PPP1R9A: variants seen among roughly 807,000 people sequenced by gnomAD.
PPP1R9A encodes protein phosphatase 1 regulatory subunit 9A.
In PPP1R9A, 59 loss-of-function variants were observed where a neutral mutation model predicts 141.9. The ratio of observed to expected loss-of-function variants is 0.42; its 90% confidence interval spans 0.34 to 0.52. PPP1R9A has a LOEUF of 0.52. Ranked by LOEUF, PPP1R9A falls within the 20% of genes least tolerant of loss-of-function variation. The pLI is 0.10. For synonymous variants in PPP1R9A, 500 were observed against 569.7 expected (o/e 0.88, Z 1.74); for missense variants, 1,444 against 1,611.9 (o/e 0.90, Z 1.78).
chr7:95,132,229 G>A (rs1001612221), intron 4 of PPP1R9A, among the ~76,000 whole-genome samples: 6 of 152,110 alleles, frequency 3.9e-5, no homozygotes, highest in Non-Finnish European at 7.4e-5. Context: ...ATGTTGAATA[G>A]GAGTAATGAG....
chr7:95,284,146 A>G lies in PPP1R9A; in HGVS notation c.3425A>G (p.Asn1142Ser), dbSNP rs960620829. 6.3e-7 allele frequency: 1 copy of G among 1,590,144 alleles called. No homozygotes were observed. The highest frequency in any genetic ancestry group is 1.3e-5 in the African/African-American group (1 of 74,802). The change falls in exon 17 of 20, where the codon AAC (asparagine) becomes AGC (serine). Residue 1142 changes from asparagine to serine, a missense_variant. Physicochemically the swap from Asn to Ser is conservative, Grantham distance 46. Coordinates refer to ENST00000433360, the MANE Select transcript of PPP1R9A (RefSeq NM_001166160.2). ...DSRKGSYSFR[N>S]LPAPTSSLQP... ...CGGAAAGGATCCTATTCCTTCAGGA[A>G]CCTGCCTGCGCCTACAAGTTCCCTT...
chr7:95,101,695 A>G (rs1196970298), intron 2 of PPP1R9A, among the ~76,000 whole-genome samples: 1 of 152,206 alleles, frequency 6.6e-6, no homozygotes, highest in Non-Finnish European at 1.5e-5. Context: ...CGGCACTAAC[A>G]TCTTCATAAA....
At chr7:94,938,299 G>A (rs1794980738) in intron 2 of PPP1R9A, among the ~76,000 whole-genome samples, 1 of 152,116 alleles carries the variant, frequency 6.6e-6, no homozygotes, top group Non-Finnish European at 1.5e-5. Flanking sequence ...TGAATTTTTT[G>A]TGGAAAAATT....
At chr7:95,186,231 G>A (rs1834628115) in intron 5 of PPP1R9A, among the ~76,000 whole-genome samples, 1 of 151,332 alleles carries the variant, frequency 6.6e-6, no homozygotes, top group Non-Finnish European at 1.5e-5. Context: ...TCCTTGTAGA[G>A]ATCTTTCGAA....
intron 4 of PPP1R9A, among the ~76,000 whole-genome samples, chr7:95,142,384 G>A (rs922302509): frequency 1.3e-5 from 2 of 151,312 alleles, no homozygotes; most frequent in African/African-American, 4.9e-5. Context: ...AGTTTTTTTT[G>A]TCACTTATAC....
intron 2 of PPP1R9A, among the ~76,000 whole-genome samples, chr7:94,947,864 G>A (rs182836865): frequency 1.3e-5 from 2 of 152,240 alleles, no homozygotes; most frequent in Admixed American, 1.3e-4. Flanking sequence ...TAAGATGAAA[G>A]CTTGTTTCAA....
chr7:95,263,501 C>T (rs1800752445), intron 12 of PPP1R9A, among the ~76,000 whole-genome samples: 1 of 151,976 alleles, frequency 6.6e-6, no homozygotes, highest in South Asian at 2.1e-4. Context: ...GTGGCCCGAT[C>T]TTGGCTCACT....
chr7:95,035,439 C>T (rs1390763540), intron 2 of PPP1R9A, among the ~76,000 whole-genome samples: 1 of 152,124 alleles, frequency 6.6e-6, no homozygotes, highest in Non-Finnish European at 1.5e-5. Flanking sequence ...TTTTCTCCTT[C>T]TGTCAGTGAC....
chr7:95,123,062 A>G (rs1019400014), intron 4 of PPP1R9A, among the ~76,000 whole-genome samples: 1 of 152,024 alleles, frequency 6.6e-6, no homozygotes. Context: ...AAAAAAAAAG[A>G]AAGAAAAATA....
chr7:95,157,724 A>G (rs1829861755), intron 4 of PPP1R9A, among the ~76,000 whole-genome samples: 1 of 152,238 alleles, frequency 6.6e-6, no homozygotes, highest in Admixed American at 6.5e-5. Flanking sequence ...CATTCATATG[A>G]CATTGAAAGA....
intron 2 of PPP1R9A, among the ~76,000 whole-genome samples, chr7:95,049,281 G>A (rs1213241345): frequency 2.0e-5 from 3 of 152,140 alleles, no homozygotes; most frequent in African/African-American, 7.2e-5. Flanking sequence ...GTTTATTTTG[G>A]AGAAGAAAGG....
intron 2 of PPP1R9A, among the ~76,000 whole-genome samples, chr7:95,103,431 G>A (rs1004224094): frequency 2.1e-5 from 3 of 144,112 alleles, no homozygotes; most frequent in South Asian, 2.2e-4. Flanking sequence ...GCAGTGGTGC[G>A]ATCTTGGCTC....
intron 8 of PPP1R9A, among the ~76,000 whole-genome samples, chr7:95,227,344 G>T (rs987752458): frequency 2.0e-5 from 3 of 152,128 alleles, no homozygotes; most frequent in African/African-American, 7.2e-5. Flanking sequence ...CTGGAAGAAG[G>T]GTCCACATTC....
At chr7:95,232,645 G>C (rs960865917) in intron 8 of PPP1R9A, among the ~76,000 whole-genome samples, 1 of 152,058 alleles carries the variant, frequency 6.6e-6, no homozygotes, top group Non-Finnish European at 1.5e-5. Context: ...CTAATATCCA[G>C]AATCTACAAG....
chr7:95,287,252 G>T, intron 18 of PPP1R9A: 1 of 1,271,626 alleles, frequency 7.9e-7, no homozygotes, highest in Non-Finnish European at 1.1e-6. Flanking sequence ...CTGTAGTGAA[G>T]GGTTTCCTTG....
intron 2 of PPP1R9A, among the ~76,000 whole-genome samples, chr7:94,950,370 C>T (rs1199237691): frequency 1.3e-5 from 2 of 152,016 alleles, no homozygotes. Flanking sequence ...ATTTCTATGT[C>T]ACAAACTGAT....
At chr7:95,054,834 A>T (rs1343122202) in intron 2 of PPP1R9A, among the ~76,000 whole-genome samples, 2 of 152,168 alleles carry the variant, frequency 1.3e-5, no homozygotes, top group East Asian at 3.8e-4. Context: ...TTTCTTCATA[A>T]AATGGAAAGT....
In PPP1R9A at chr7:95,258,707, TAAG is replaced by T. The variant is rs577497002; in HGVS notation, c.2665+6581_2665+6583del. On this transcript the variant is annotated intron_variant, in intron 12 of 19. Coordinates refer to ENST00000433360, the MANE Select transcript of PPP1R9A (RefSeq NM_001166160.2). ...ATAGTAGAAAAATGGGCAAAACGCATAAGAAGTTCACAAAAGCAGGAACCTAAA... is the reference window on the plus strand; with the variant it reads ...ATAGTAGAAAAATGGGCAAAACGCATAAGTTCACAAAAGCAGGAACCTAAA... 5.9e-5 allele frequency among the ~76,000 whole-genome samples: 9 copies of T among 152,156 alleles called. 1 individual carries two copies. The East Asian group carries it at 1.7e-3, about 29-fold the overall frequency.
intron 2 of PPP1R9A, among the ~76,000 whole-genome samples, chr7:95,039,734 GA>G (rs71528101): frequency 4.7e-5 from 7 of 150,006 alleles, no homozygotes; most frequent in Admixed American, 2.0e-4. Context: ...AGGAATGAAG[GA>G]AAAAAAAATC....
Sources: allele counts gnomAD v4.1 joint callset (sites outside exome capture counted in the v4.1 genomes callset), GRCh38; gene constraint gnomAD v4.1.1; transcripts MANE v1.5; gene names NCBI Gene and HGNC (gene_info 2026-07-23, HGNC 2026-07-21).